The following M1AP variants were observed in gnomAD, a reference collection of about 807,000 sequenced individuals.
The protein encoded by M1AP is meiosis 1 associated protein.
M1AP carries 39 observed loss-of-function variants against 51.2 expected under a neutral mutation model. The observed-to-expected ratio is 0.76, with a 90% CI of 0.59 to 1.00. The LOEUF (loss-of-function observed/expected upper bound fraction) is 1.00, where lower values mean the gene tolerates loss of function less well. Ranked by LOEUF, M1AP falls within the 50% of genes least tolerant of loss-of-function variation. M1AP has a pLI of 0.00. For synonymous variants in M1AP, 251 were observed against 249.2 expected (o/e 1.01, Z -0.07); for missense variants, 545 against 641.2 (o/e 0.85, Z 1.62).
chr2:74,587,864 G>C (rs1225717306), intron 4 of M1AP, among the ~76,000 whole-genome samples: 1 of 152,096 alleles, frequency 6.6e-6, no homozygotes, highest in Non-Finnish European at 1.5e-5. Context: ...GCCCTCCTGC[G>C]GCCACAATGG....
intron 8 of M1AP, among the ~76,000 whole-genome samples, chr2:74,561,368 T>C (rs368373454): frequency 1.5e-4 from 23 of 152,050 alleles, no homozygotes; most frequent in South Asian, 6.2e-4. Flanking sequence ...GGCACCTACA[T>C]TGGCTGCCTT....
intron 7 of M1AP, among the ~76,000 whole-genome samples, chr2:74,565,443 G>T (rs1196259540): frequency 1.3e-5 from 2 of 152,036 alleles, no homozygotes; most frequent in African/African-American, 4.8e-5. Flanking sequence ...TATCCCTAAG[G>T]CTGGTTTAAT....
intron 2 of M1AP, among the ~76,000 whole-genome samples, chr2:74,621,741 C>G (rs940623150): frequency 1.4e-5 from 2 of 147,542 alleles, no homozygotes; most frequent in African/African-American, 5.0e-5. Flanking sequence ...TGCAGTGAGC[C>G]GAGATCGCGC....
chr2:74,560,309 G>A lies in M1AP; in HGVS notation c.1282-18C>T. 1 of 1,573,484 alleles carries A rather than the reference G, an allele frequency of 6.4e-7. No individual in the cohort carries two copies. The highest frequency in any genetic ancestry group is 2.3e-5 in the East Asian group (1 of 44,414). ...AGCATGCTCTGAGGAAAAGAGAGGA[G>A]GGGCCTCACTAGGGAACTTAAGATC... On this transcript the variant is annotated intron_variant, in intron 8 of 10. Coordinates refer to ENST00000421985, the MANE Select transcript of M1AP (RefSeq NM_001321739.2).
intron 2 of M1AP, among the ~76,000 whole-genome samples, chr2:74,616,045 C>T (rs941466498): frequency 6.6e-6 from 1 of 152,194 alleles, no homozygotes; most frequent in Non-Finnish European, 1.5e-5. Context: ...CTTAGCTCCA[C>T]AGTTGATATA....
At chr2:74,645,835 C>T (rs116252099) in intron 1 of M1AP, among the ~76,000 whole-genome samples, 1,659 of 151,958 alleles carry the variant, frequency 0.011, 36 homozygotes, top group African/African-American at 0.038. Flanking sequence ...ACCAGCTCAC[C>T]CTTGAAAAAA....
rs1310452008 is a variant in M1AP at position 74,647,457 on chromosome 2, C to T, written c.-53+808G>A. ...GTGGGCCCTAAGGCACTTTCGTCTT[C>T]GTGGACCCCTTCCTCCATTAAAAAA... On this transcript the variant is annotated intron_variant, in intron 1 of 10. Coordinates refer to ENST00000421985, the MANE Select transcript of M1AP (RefSeq NM_001321739.2). The T allele has an allele frequency of 1.7e-5, 15 of 905,122 alleles. No homozygotes were observed. In the South Asian group the frequency reaches 5.6e-4, roughly 34 times the overall value. 56.1% of individuals were successfully genotyped at this position (905,122 alleles called of 1,614,324 possible). A position where few individuals can be genotyped will look rare whatever the true frequency, so the allele number is the denominator to read the frequency against.
intron 10 of M1AP, 54 bp downstream of exon 10, chr2:74,559,644 G>T: frequency 1.4e-6 from 1 of 718,102 alleles, no homozygotes; most frequent in Non-Finnish European, 2.6e-6. Context: ...GTCCTCTCAA[G>T]TTACTAATCT....
intron 2 of M1AP, among the ~76,000 whole-genome samples, chr2:74,633,677 C>T (rs2104815194): frequency 6.6e-6 from 1 of 152,204 alleles, no homozygotes; most frequent in East Asian, 1.9e-4. Context: ...TGCTATGGTC[C>T]CTTTATTTAG....
rs367719199 is a variant in M1AP at position 74,562,292 on chromosome 2, C to T, written c.1206G>A (p.Thr402=). The change falls in exon 8 of 11, where the codon ACG becomes ACA. Residue 402 remains threonine, a synonymous_variant. Transcript: ENST00000421985. ...AGGTGCTGGGCAGCATCAGTTCCCG[C>T]GTGGCCACCGCCTTTACCAGCAGTG... ...SLTLLVKAVA[T]RELMLPSTFP... The T allele has an allele frequency of 5.5e-5, 89 of 1,614,066 alleles. No homozygotes were observed. The highest frequency in any genetic ancestry group is 1.0e-4 in the Admixed American group (6 of 60,010).
chr2:74,578,066 T>A (rs1295438806), intron 5 of M1AP, among the ~76,000 whole-genome samples: 1 of 152,218 alleles, frequency 6.6e-6, no homozygotes, highest in Non-Finnish European at 1.5e-5. Context: ...GAGAATCTAA[T>A]GACATAGCCG....
At chr2:74,638,183 T>C (rs942887139) in intron 2 of M1AP, among the ~76,000 whole-genome samples, 1 of 151,838 alleles carries the variant, frequency 6.6e-6, no homozygotes, top group East Asian at 1.9e-4. Context: ...GCCTCCCGAG[T>C]AGCTGGGATT....
intron 8 of M1AP, 103 bp downstream of exon 8, chr2:74,562,114 C>T (rs1678057056): frequency 2.7e-6 from 4 of 1,496,678 alleles, no homozygotes; most frequent in Non-Finnish European, 2.7e-6. Flanking sequence ...CACACTCCTT[C>T]AGCTCCGCAT....
intron 8 of M1AP, chr2:74,561,803 T>A: frequency 1.3e-6 from 1 of 795,814 alleles, no homozygotes; most frequent in Non-Finnish European, 1.5e-6. Context: ...TGTGGCTTCC[T>A]CCCCTGCCTC....
chr2:74,647,396 T>C (rs1683672671), intron 1 of M1AP: 1 of 985,398 alleles, frequency 1.0e-6, no homozygotes, highest in South Asian at 4.7e-5. Context: ...AACGATTCAA[T>C]GGTTCTCCCT....
intron 7 of M1AP, among the ~76,000 whole-genome samples, chr2:74,564,302 TGAG>T (rs2104517035): frequency 6.6e-6 from 1 of 152,292 alleles, no homozygotes; most frequent in Non-Finnish European, 1.5e-5. Context: ...TGCGGAGCTC[TGAG>T]GAGGTCTGGT....
At chr2:74,605,110 C>T (rs941706777) in intron 4 of M1AP, among the ~76,000 whole-genome samples, 4 of 152,090 alleles carry the variant, frequency 2.6e-5, no homozygotes, top group African/African-American at 9.7e-5. Flanking sequence ...ATAATTCCTA[C>T]TAGGAAAGTC....
Position 74,580,976 on chromosome 2 carries a change from C to A in M1AP, c.769+698G>T, listed in dbSNP as rs558674312. Among the ~76,000 whole-genome samples, 5 of 152,284 alleles carry A rather than the reference C, an allele frequency of 3.3e-5. No homozygotes were observed. In the South Asian group the frequency reaches 1.0e-3, roughly 32 times the overall value. Reference sequence around the variant, plus strand: ...ATCTGCAGGCCCAGCCACCCCAGGTCCCGCCTGAGCCAGCCTTCCGAGGAG... The same window carrying A: ...ATCTGCAGGCCCAGCCACCCCAGGTACCGCCTGAGCCAGCCTTCCGAGGAG... On this transcript the variant is annotated intron_variant, in intron 5 of 10. Coordinates refer to ENST00000421985, the MANE Select transcript of M1AP (RefSeq NM_001321739.2).
chr2:74,621,727 A>G (rs1275295870), intron 2 of M1AP, among the ~76,000 whole-genome samples: 2 of 151,974 alleles, frequency 1.3e-5, no homozygotes, highest in Non-Finnish European at 2.9e-5. Context: ...CGGGAGGCAG[A>G]GCTTGCAGTG....
Sources: allele counts gnomAD v4.1 joint callset (sites outside exome capture counted in the v4.1 genomes callset), GRCh38; gene constraint gnomAD v4.1.1; transcripts MANE v1.5; gene names NCBI Gene and HGNC (gene_info 2026-07-23, HGNC 2026-07-21).